The following SCFD1 variants were observed in gnomAD, a reference collection of about 807,000 sequenced individuals.
SCFD1 encodes sec1 family domain containing 1.
Under a neutral mutation model 103.2 loss-of-function variants are expected in SCFD1, and 37 were observed. The observed-to-expected ratio is 0.36, with a 90% CI of 0.28 to 0.47. SCFD1 has a LOEUF of 0.47. Ranked by LOEUF, SCFD1 falls within the 20% of genes least tolerant of loss-of-function variation. The pLI is 1.00. For missense variants in SCFD1, 639 were observed against 761.2 expected, an observed-to-expected ratio of 0.84 and a Z score of 1.89; for synonymous variants, 264 against 245.0, an observed-to-expected ratio of 1.08 and a Z score of -0.73.
intron 14 of SCFD1, among the ~76,000 whole-genome samples, chr14:30,691,932 CTTTATTTA>C (rs10639442): frequency 0.019 from 2,650 of 143,218 alleles, 94 homozygotes; most frequent in African/African-American, 0.061. Context: ...ATTTAGCATA[CTTTATTTA>C]TTTATTTATT....
intron 14 of SCFD1, among the ~76,000 whole-genome samples, chr14:30,692,862 T>C (rs889539986): frequency 6.6e-6 from 1 of 152,190 alleles, no homozygotes; most frequent in African/African-American, 2.4e-5. Context: ...AAGTTTTCTT[T>C]TTCTTCTTTC....
At chr14:30,728,856 T>TTC (rs1566668753) in intron 23 of SCFD1, among the ~76,000 whole-genome samples, 2 of 138,062 alleles carry the variant, frequency 1.4e-5, no homozygotes, top group South Asian at 4.7e-4. Flanking sequence ...TTTTTTTTTT[T>TTC]CCCCCCGAGA....
chr14:30,665,855 T>C (rs1424320461), intron 10 of SCFD1, among the ~76,000 whole-genome samples: 1 of 152,172 alleles, frequency 6.6e-6, no homozygotes, highest in Non-Finnish European at 1.5e-5. Context: ...ATTGTAAATA[T>C]ATATGCACCT....
At chr14:30,711,714 ATTAT>A (rs1368275960) in intron 19 of SCFD1, among the ~76,000 whole-genome samples, 1 of 152,054 alleles carries the variant, frequency 6.6e-6, no homozygotes. Context: ...TAACTTATAA[ATTAT>A]TTAATAATTA....
At chr14:30,646,738 C>G (rs941398150) in intron 7 of SCFD1, among the ~76,000 whole-genome samples, 6 of 152,146 alleles carry the variant, frequency 3.9e-5, no homozygotes, top group African/African-American at 1.4e-4. Flanking sequence ...GGCTGTGAAT[C>G]CATCTGGTCC....
At chr14:30,706,219 G>A (rs997062097) in intron 18 of SCFD1, among the ~76,000 whole-genome samples, 1 of 152,076 alleles carries the variant, frequency 6.6e-6, no homozygotes, top group African/African-American at 2.4e-5. Context: ...GTAAGTTAAT[G>A]TCTTTTACAT....
At chr14:30,645,253 C>T (rs1030249351) in intron 7 of SCFD1, among the ~76,000 whole-genome samples, 2 of 152,100 alleles carry the variant, frequency 1.3e-5, no homozygotes, top group Middle Eastern at 3.4e-3. Flanking sequence ...TAGTATACTT[C>T]GAAGTCAGGT....
At chr14:30,708,832 T>C (rs1384267539) in intron 19 of SCFD1, among the ~76,000 whole-genome samples, 1 of 152,200 alleles carries the variant, frequency 6.6e-6, no homozygotes, top group African/African-American at 2.4e-5. Flanking sequence ...CTTCATTTTG[T>C]ATATAGGACA....
At chr14:30,725,862 A>G (rs1893005975) in intron 23 of SCFD1, among the ~76,000 whole-genome samples, 1 of 152,170 alleles carries the variant, frequency 6.6e-6, no homozygotes, top group Non-Finnish European at 1.5e-5. Flanking sequence ...TATGACAGAA[A>G]CCAGATGCAA....
At chr14:30,735,010 C>T in intron 24 of SCFD1, 152 bp downstream of exon 24, 1 of 582,896 alleles carries the variant, frequency 1.7e-6, no homozygotes. Context: ...TCATGGACGA[C>T]TAAGAAAACC....
At chr14:30,677,681 A>G (rs55826203) in intron 14 of SCFD1, among the ~76,000 whole-genome samples, 2,538 of 152,140 alleles carry the variant, frequency 0.017, 30 homozygotes, top group Non-Finnish European at 0.028. Flanking sequence ...ATGTTTATTT[A>G]TACCATTACT....
In SCFD1 at chr14:30,622,336, A is replaced by G; in HGVS notation, c.-3A>G. ...AGCCGGGCAGTGGCTCGTGGGAGCC[A>G]AGATGGCGGCGGCGGCGGCAGCGAC... On this transcript the variant is annotated 5_prime_UTR_variant, in exon 1 of 25. Coordinates refer to ENST00000458591, the MANE Select transcript of SCFD1 (RefSeq NM_016106.4). 1 of 1,580,338 alleles carries G rather than the reference A, an allele frequency of 6.3e-7. No individual in the cohort carries two copies. The highest frequency in any genetic ancestry group is 8.6e-7 in the Non-Finnish European group (1 of 1,164,112).
rs1213518340 is a variant in SCFD1 at position 30,628,346 on chromosome 14, G to A, written c.132+67G>A. On this transcript the variant is annotated intron_variant, in intron 2 of 24. Coordinates refer to ENST00000458591, the MANE Select transcript of SCFD1 (RefSeq NM_016106.4). The stretch of plus-strand genomic sequence containing the variant: ...AGCCCTTATTGGTGGTAATTGGAGG[G>A]AATTTATTGTAATATGGAAGAAGTA... The A allele has an allele frequency of 3.0e-6, 3 of 991,992 alleles. No homozygotes were observed. In the Admixed American group the frequency reaches 6.5e-5, roughly 22 times the overall value. 61.4% of individuals were successfully genotyped at this position (991,992 alleles called of 1,614,324 possible). A position where few individuals can be genotyped will look rare whatever the true frequency, so the allele number is the denominator to read the frequency against.
intron 18 of SCFD1, among the ~76,000 whole-genome samples, chr14:30,707,191 T>C (rs1891528066): frequency 6.6e-6 from 1 of 152,236 alleles, no homozygotes; most frequent in Non-Finnish European, 1.5e-5. Flanking sequence ...ACAATTGGGA[T>C]TTTGATAAAT....
chr14:30,701,552 C>CA (rs947911549), intron 16 of SCFD1, among the ~76,000 whole-genome samples: 47 of 142,972 alleles, frequency 3.3e-4, no homozygotes, highest in East Asian at 1.8e-3. Context: ...AACTCCATCT[C>CA]AAAAAAAAAA....
chr14:30,731,060 T>G (rs1428260753), intron 23 of SCFD1, among the ~76,000 whole-genome samples: 2 of 152,222 alleles, frequency 1.3e-5, no homozygotes, highest in Non-Finnish European at 2.9e-5. Context: ...GTTTCAGCTT[T>G]CTACATATGG....
chr14:30,708,485 A>T (rs531808377), intron 19 of SCFD1, among the ~76,000 whole-genome samples: 1 of 152,156 alleles, frequency 6.6e-6, no homozygotes, highest in East Asian at 1.9e-4. Context: ...CTCTGAGGGT[A>T]TTTTTTACAT....
At chr14:30,700,387 A>G in intron 16 of SCFD1, 129 bp downstream of exon 16, 1 of 708,104 alleles carries the variant, frequency 1.4e-6, no homozygotes. Flanking sequence ...TTTAAAAGAA[A>G]AATGGCCAGG....
intron 23 of SCFD1, among the ~76,000 whole-genome samples, chr14:30,731,028 T>C (rs1893421436): frequency 6.6e-6 from 1 of 152,164 alleles, no homozygotes; most frequent in East Asian, 1.9e-4. Context: ...AATTTTTGTA[T>C]AGGGTGTAAG....
Sources: gnomAD v4.1 joint callset for allele counts (sites outside exome capture counted in the v4.1 genomes callset) on GRCh38, gnomAD v4.1.1 for gene constraint, MANE v1.5 for transcripts, NCBI Gene and HGNC (gene_info 2026-07-23, HGNC 2026-07-21) for gene names.